Variants in SENP6 observed in about 807,000 individuals in gnomAD.
SENP6 encodes the protein sentrin-specific protease 6.
Under a neutral mutation model 134.5 loss-of-function variants are expected in SENP6, and 41 were observed. The ratio of observed to expected loss-of-function variants is 0.30; its 90% confidence interval spans 0.24 to 0.40. SENP6 has a LOEUF of 0.40. Ranked by LOEUF, SENP6 falls within the 10% of genes least tolerant of loss-of-function variation. SENP6 has a pLI of 1.00. For missense variants in SENP6, 1,248 were observed against 1,312.5 expected (o/e 0.95, Z 0.76); for synonymous variants, 395 against 429.8 (o/e 0.92, Z 1.00).
At chr6:75,624,878 A>G (rs1463358634) in intron 3 of SENP6, among the ~76,000 whole-genome samples, 1 of 152,174 alleles carries the variant, frequency 6.6e-6, no homozygotes, top group Non-Finnish European at 1.5e-5. Context: ...CACGCCTATA[A>G]TCCTAGCACT....
chr6:75,621,472 T>C, intron 1 of SENP6, 60 bp from the exon 2 acceptor site: 1 of 1,009,748 alleles, frequency 9.9e-7, no homozygotes, highest in East Asian at 2.5e-5. Context: ...AATGCACATA[T>C]TTGTTTTATA....
intron 16 of SENP6, among the ~76,000 whole-genome samples, chr6:75,694,995 C>T (rs1213686762): frequency 6.6e-6 from 1 of 152,092 alleles, no homozygotes; most frequent in Non-Finnish European, 1.5e-5. Context: ...CCACCTCAGC[C>T]TCCCAAGTAG....
intron 6 of SENP6, chr6:75,646,865 T>C (rs1180296198): frequency 6.6e-6 from 1 of 152,046 alleles, no homozygotes; most frequent in Admixed American, 6.6e-5. Context: ...AGTACACTAC[T>C]ATCTCCACCC....
At chr6:75,645,332 C>T (rs532139894) in intron 6 of SENP6, among the ~76,000 whole-genome samples, 1 of 152,302 alleles carries the variant, frequency 6.6e-6, no homozygotes, top group Non-Finnish European at 1.5e-5. Context: ...AATGTAAATG[C>T]TGGCCAGGTG....
intron 11 of SENP6, among the ~76,000 whole-genome samples, chr6:75,674,135 G>A (rs1040752150): frequency 2.7e-5 from 4 of 146,320 alleles, no homozygotes; most frequent in East Asian, 4.1e-4. Flanking sequence ...AGAATGTTTC[G>A]CAAGCTACTC....
intron 6 of SENP6, among the ~76,000 whole-genome samples, chr6:75,644,682 G>T (rs189317020): frequency 6.6e-6 from 1 of 152,022 alleles, no homozygotes; most frequent in East Asian, 1.9e-4. Flanking sequence ...ACGGTGTTTC[G>T]CCATGTTGGC....
intron 19 of SENP6, among the ~76,000 whole-genome samples, chr6:75,708,041 G>A (rs1775520436): frequency 6.6e-6 from 1 of 152,132 alleles, no homozygotes; most frequent in South Asian, 2.1e-4. Flanking sequence ...CTGAACACAA[G>A]AGTTAGATTT....
At chr6:75,692,772 C>T (rs1476922952) in intron 16 of SENP6, among the ~76,000 whole-genome samples, 2 of 151,260 alleles carry the variant, frequency 1.3e-5, no homozygotes, top group Non-Finnish European at 2.9e-5. Flanking sequence ...TGTGGCTCTT[C>T]CTCCTTCCCT....
At chr6:75,652,683 C>CAAAAAAAAAAAAAACAAAAAAAA (rs1770969164) in intron 7 of SENP6, among the ~76,000 whole-genome samples, 1 of 75,856 alleles carries the variant, frequency 1.3e-5, no homozygotes, top group Non-Finnish European at 2.3e-5. Context: ...CTAAAAATCT[C>CAAAAAAAAAAAAAACAAAAAAAA]AAAAAAAAAA....
chr6:75,702,517 C>T, intron 18 of SENP6, 128 bp from the exon 19 acceptor site: 1 of 926,764 alleles, frequency 1.1e-6, no homozygotes, highest in Non-Finnish European at 1.6e-6. Flanking sequence ...TGCGCCCGGC[C>T]AGAATTAGGC....
intron 16 of SENP6, among the ~76,000 whole-genome samples, chr6:75,680,925 A>C (rs1011235988): frequency 2.6e-5 from 4 of 152,220 alleles, no homozygotes; most frequent in African/African-American, 9.6e-5. Context: ...ATATTGCTCT[A>C]CATAGTTGCC....
chr6:75,638,534 T>C (rs1769704424), intron 5 of SENP6, among the ~76,000 whole-genome samples: 1 of 139,952 alleles, frequency 7.1e-6, no homozygotes, highest in Non-Finnish European at 1.5e-5. Context: ...AAAATGAGCA[T>C]TGATGTGTCT....
chr6:75,647,247 A>G (rs1054411726), intron 6 of SENP6: 1 of 152,372 alleles, frequency 6.6e-6, no homozygotes, highest in Non-Finnish European at 1.5e-5. Flanking sequence ...TGTTGTGTTT[A>G]AATAGATACA....
At chr6:75,713,426 T>C in intron 21 of SENP6, 87 bp from the exon 22 acceptor site, 1 of 1,134,452 alleles carries the variant, frequency 8.8e-7, no homozygotes, top group Non-Finnish European at 1.3e-6. Context: ...GTTTTAAATT[T>C]GATTGTTTAT....
chr6:75,648,238 A>G lies in SENP6; in HGVS notation c.550+437A>G, dbSNP rs1297347240. 5.1e-4 allele frequency among the ~76,000 whole-genome samples: 78 copies of G among 152,232 alleles called. 1 individual carries two copies. The highest frequency in any genetic ancestry group is 5.1e-3 in the Admixed American group (78 of 15,286). The stretch of plus-strand genomic sequence containing the variant: ...TGTTAATAGTAGATACTGGAAAATC[A>G]TGGTGAGTAAGTATTTATATTCATA... On this transcript the variant is annotated intron_variant, in intron 7 of 23. Transcript: ENST00000447266.
intron 1 of SENP6, among the ~76,000 whole-genome samples, chr6:75,605,192 A>G (rs1766941415): frequency 6.6e-6 from 1 of 152,234 alleles, no homozygotes; most frequent in African/African-American, 2.4e-5. Context: ...ACATCTACAT[A>G]TTACACTTTC....
At chr6:75,682,675 G>A (rs1397518110) in intron 16 of SENP6, among the ~76,000 whole-genome samples, 1 of 152,052 alleles carries the variant, frequency 6.6e-6, no homozygotes, top group Non-Finnish European at 1.5e-5. Flanking sequence ...CTGTCCTTGT[G>A]ATAGTTTGCT....
At chr6:75,604,156 G>A (rs1766845621) in intron 1 of SENP6, among the ~76,000 whole-genome samples, 1 of 152,130 alleles carries the variant, frequency 6.6e-6, no homozygotes, top group African/African-American at 2.4e-5. Context: ...ATGAACATAG[G>A]GAGGATTAAA....
In SENP6 at chr6:75,680,404, G is replaced by A. The variant is rs543860079; in HGVS notation, c.2075+1477G>A. 1.8e-4 allele frequency among the ~76,000 whole-genome samples: 28 copies of A among 152,308 alleles called. 1 individual carries two copies. Among genetic ancestry groups the A allele is most frequent in the African/African-American group, 5.3e-4 (22 of 41,562 alleles). On this transcript the variant is annotated intron_variant, in intron 16 of 23. Transcript: ENST00000447266. ...TTCTGACCAACAGAGATGGTAAGAT[G>A]TTGTTTAATTGTGAGAATGAATGAA... is the stretch of plus-strand genomic sequence containing the variant.
Sources: gnomAD v4.1 joint callset for allele counts (sites outside exome capture counted in the v4.1 genomes callset) on GRCh38, gnomAD v4.1.1 for gene constraint, MANE v1.5 for transcripts, NCBI Gene and HGNC (gene_info 2026-07-23, HGNC 2026-07-21) for gene names.